The following SPAG16 variants were observed in gnomAD, a reference collection of about 807,000 sequenced individuals.
SPAG16 encodes sperm associated antigen 16, also known as sperm-associated antigen 16 protein.
In SPAG16, 86 loss-of-function variants were observed where a neutral mutation model predicts 80.4. That is an observed-to-expected ratio of 1.07 (90% CI 0.90 to 1.28). The LOEUF is 1.28. SPAG16 is among the 50% of genes most tolerant of loss of function. The pLI is 0.00. For missense variants in SPAG16, 870 were observed against 765.3 expected (o/e 1.14, Z -1.61); for synonymous variants, 294 against 265.9 (o/e 1.11, Z -1.03).
chr2:213,799,956 G>T (rs1476475265), intron 10 of SPAG16, among the ~76,000 whole-genome samples: 15 of 112,906 alleles, frequency 1.3e-4, no homozygotes, highest in African/African-American at 4.1e-4. Flanking sequence ...TGATAGACTG[G>T]ATTGAAAAAA....
At chr2:213,719,730 C>T (rs1236961986) in intron 10 of SPAG16, among the ~76,000 whole-genome samples, 3 of 152,188 alleles carry the variant, frequency 2.0e-5, no homozygotes, top group African/African-American at 7.2e-5. Context: ...TGCTTTTACA[C>T]TGTTGGTGGG....
At chr2:214,019,201 A>G (rs1225616605) in intron 13 of SPAG16, among the ~76,000 whole-genome samples, 1 of 152,210 alleles carries the variant, frequency 6.6e-6, no homozygotes, top group African/African-American at 2.4e-5. Flanking sequence ...CAATGTACAT[A>G]CAGTGATTTG....
At chr2:213,337,070 G>A (rs1277768261) in intron 5 of SPAG16, among the ~76,000 whole-genome samples, 1 of 152,110 alleles carries the variant, frequency 6.6e-6, no homozygotes, top group Non-Finnish European at 1.5e-5. Context: ...TACCTCCAGG[G>A]GTGGGAGGGA....
At chr2:213,701,758 C>T (rs1318050406) in intron 10 of SPAG16, among the ~76,000 whole-genome samples, 1 of 152,162 alleles carries the variant, frequency 6.6e-6, no homozygotes, top group Non-Finnish European at 1.5e-5. Flanking sequence ...AATCAGCACT[C>T]TATGTCTAGC....
At chr2:213,987,704 A>G (rs2046081277) in intron 12 of SPAG16, among the ~76,000 whole-genome samples, 1 of 151,632 alleles carries the variant, frequency 6.6e-6, no homozygotes, top group Admixed American at 6.6e-5. Context: ...TGGGATCTGC[A>G]CACATTTTCA....
intron 12 of SPAG16, among the ~76,000 whole-genome samples, chr2:214,011,763 T>C (rs765065642): frequency 6.6e-6 from 1 of 152,198 alleles, no homozygotes; most frequent in Non-Finnish European, 1.5e-5. Flanking sequence ...CTCCAAATAC[T>C]TATTACTGTA....
At chr2:213,837,803 A>G (rs1291341053) in intron 10 of SPAG16, among the ~76,000 whole-genome samples, 2 of 152,210 alleles carry the variant, frequency 1.3e-5, no homozygotes, top group African/African-American at 4.8e-5. Context: ...ACAAGAGTCC[A>G]TATAAGAGAA....
chr2:213,640,117 C>A (rs1404019701), intron 10 of SPAG16, among the ~76,000 whole-genome samples: 2 of 151,914 alleles, frequency 1.3e-5, no homozygotes, highest in African/African-American at 4.8e-5. Context: ...GATGTCTATT[C>A]TCTGGAGATT....
At chr2:214,032,899 C>A (rs559784682) in intron 13 of SPAG16, among the ~76,000 whole-genome samples, 1 of 152,028 alleles carries the variant, frequency 6.6e-6, no homozygotes, top group Non-Finnish European at 1.5e-5. Context: ...ACAGAAATAT[C>A]CATAATCCAT....
chr2:213,900,890 C>G (rs115748773), intron 11 of SPAG16, among the ~76,000 whole-genome samples: 1 of 152,072 alleles, frequency 6.6e-6, no homozygotes, highest in Non-Finnish European at 1.5e-5. Flanking sequence ...TAACTATATC[C>G]TGTGTTTTCA....
At chr2:213,534,861 C>T (rs2076189384) in intron 10 of SPAG16, among the ~76,000 whole-genome samples, 2 of 151,954 alleles carry the variant, frequency 1.3e-5, no homozygotes, top group South Asian at 2.1e-4. Flanking sequence ...AGAATGTGAC[C>T]GAATTTGGAG....
intron 12 of SPAG16, among the ~76,000 whole-genome samples, chr2:213,952,199 G>A (rs2079822867): frequency 6.6e-6 from 1 of 151,992 alleles, no homozygotes; most frequent in African/African-American, 2.4e-5. Context: ...AACAAATGAA[G>A]AGTGTAACTG....
intron 14 of SPAG16, among the ~76,000 whole-genome samples, chr2:214,119,339 G>A (rs2054101700): frequency 6.6e-6 from 1 of 151,866 alleles, no homozygotes; most frequent in Admixed American, 6.6e-5. Context: ...ACATTTTAAG[G>A]AACTATAAAA....
chr2:213,439,037 T>G (rs2070791732), intron 9 of SPAG16, among the ~76,000 whole-genome samples: 1 of 152,170 alleles, frequency 6.6e-6, no homozygotes, highest in Non-Finnish European at 1.5e-5. Context: ...TGGCTAACCT[T>G]GGATGAAGAC....
At chr2:214,278,892 T>C (rs562507431) in intron 15 of SPAG16, among the ~76,000 whole-genome samples, 97 of 152,306 alleles carry the variant, frequency 6.4e-4, no homozygotes, top group African/African-American at 2.2e-3. Flanking sequence ...TTAACCTAAA[T>C]GTGGAACTGT....
chr2:214,109,425 G>A (rs1258892912), intron 14 of SPAG16, among the ~76,000 whole-genome samples: 2 of 152,162 alleles, frequency 1.3e-5, no homozygotes, highest in Admixed American at 1.3e-4. Flanking sequence ...AAAGTTCCCA[G>A]TAGAGTGAGA....
chr2:213,671,143 C>A (rs1043248326), intron 10 of SPAG16, among the ~76,000 whole-genome samples: 1 of 152,148 alleles, frequency 6.6e-6, no homozygotes. Flanking sequence ...ATTGTGTACT[C>A]ATTTTAACAT....
chr2:213,981,674 C>A (rs902059206), intron 12 of SPAG16, among the ~76,000 whole-genome samples: 3 of 151,868 alleles, frequency 2.0e-5, no homozygotes, highest in Non-Finnish European at 2.9e-5. Context: ...ATTAGAGGGT[C>A]AGATTGGTTT....
At chr2:213,638,973 A>T (rs57936781) in intron 10 of SPAG16, among the ~76,000 whole-genome samples, 44,603 of 151,978 alleles carry the variant, frequency 0.29, 7,502 homozygotes, top group Middle Eastern at 0.47. Flanking sequence ...TGTTGCATTT[A>T]TCTCTTTATC....
Sources: gnomAD v4.1 joint callset for allele counts (sites outside exome capture counted in the v4.1 genomes callset) on GRCh38, gnomAD v4.1.1 for gene constraint, MANE v1.5 for transcripts, NCBI Gene and HGNC (gene_info 2026-07-23, HGNC 2026-07-21) for gene names.